Variants in CHN2 observed in about 807,000 individuals in gnomAD.
CHN2 encodes chimerin 2.
In CHN2, 35 loss-of-function variants were observed where a neutral mutation model predicts 56.3. That is an observed-to-expected ratio of 0.62 (90% confidence interval 0.47 to 0.82). CHN2 has a LOEUF of 0.82. Ranked by LOEUF, CHN2 falls within the 40% of genes least tolerant of loss-of-function variation. The probability of loss-of-function intolerance (pLI) is 0.00; values close to 1 mark genes in which losing one functional copy is unlikely to be tolerated. For synonymous variants in CHN2, 210 were observed against 212.8 expected (o/e 0.99, Z 0.12); for missense variants, 491 against 580.5 (o/e 0.85, Z 1.58).
At chr7:29,280,195 C>T (rs1791573495) in intron 1 of CHN2, among the ~76,000 whole-genome samples, 1 of 151,966 alleles carries the variant, frequency 6.6e-6, no homozygotes, top group Non-Finnish European at 1.5e-5. Flanking sequence ...ACCAGCCTGG[C>T]CAACATGGCG....
chr7:29,480,471 T>C, intron 7 of CHN2, 115 bp downstream of exon 7: 1 of 1,116,436 alleles, frequency 9.0e-7, no homozygotes, highest in Non-Finnish European at 1.3e-6. Flanking sequence ...ATTCCTTTGC[T>C]TTCCACATTT....
chr7:29,324,804 A>G (rs1288889979), intron 1 of CHN2, among the ~76,000 whole-genome samples: 1 of 152,214 alleles, frequency 6.6e-6, no homozygotes, highest in Non-Finnish European at 1.5e-5. Flanking sequence ...TCTTGTAAAT[A>G]TAGGGAAGTT....
At chr7:29,386,817 C>T (rs1191960121) in intron 3 of CHN2, among the ~76,000 whole-genome samples, 1 of 152,126 alleles carries the variant, frequency 6.6e-6, no homozygotes, top group Non-Finnish European at 1.5e-5. Flanking sequence ...CAAATTTTTC[C>T]GAAGTTCACA....
chr7:29,301,342 T>TAC (rs10570363), intron 1 of CHN2, among the ~76,000 whole-genome samples: 2,337 of 141,666 alleles, frequency 0.016, 43 homozygotes, highest in African/African-American at 0.036. Flanking sequence ...CTCAAACAGG[T>TAC]ACACACACAC....
chr7:29,360,588 G>C (rs1012145296), intron 2 of CHN2, among the ~76,000 whole-genome samples: 1 of 152,184 alleles, frequency 6.6e-6, no homozygotes, highest in African/African-American at 2.4e-5. Flanking sequence ...TGGAGGGTGG[G>C]GTTGAGCCAA....
At chr7:29,405,385 A>G (rs1802572299) in intron 6 of CHN2, among the ~76,000 whole-genome samples, 1 of 152,188 alleles carries the variant, frequency 6.6e-6, no homozygotes, top group Admixed American at 6.5e-5. Flanking sequence ...CAGGGCGCAC[A>G]TCATTAACTA....
At chr7:29,348,712 T>C (rs2128920580) in intron 1 of CHN2, among the ~76,000 whole-genome samples, 1 of 152,346 alleles carries the variant, frequency 6.6e-6, no homozygotes, top group South Asian at 2.1e-4. Context: ...TGGGTCTTTT[T>C]ATATCTACTT....
chr7:29,255,168 G>T (rs1420847436), intron 1 of CHN2, among the ~76,000 whole-genome samples: 1 of 152,238 alleles, frequency 6.6e-6, no homozygotes, highest in Non-Finnish European at 1.5e-5. Flanking sequence ...ATTTTCCCTG[G>T]ACATGCCCGG....
chr7:29,264,353 C>T (rs1220814414), intron 1 of CHN2, among the ~76,000 whole-genome samples: 1 of 152,078 alleles, frequency 6.6e-6, no homozygotes, highest in African/African-American at 2.4e-5. Flanking sequence ...ATGACAATGG[C>T]GGTTTTGTGG....
chr7:29,177,742 C>G (rs1265347237), intron 2 of CHN2, among the ~76,000 whole-genome samples: 1 of 152,028 alleles, frequency 6.6e-6, no homozygotes, highest in Admixed American at 6.6e-5. Context: ...ATACCCCAAC[C>G]CTCTTTACTT....
At chr7:29,494,699 T>C (rs1789046286) in intron 7 of CHN2, among the ~76,000 whole-genome samples, 1 of 152,176 alleles carries the variant, frequency 6.6e-6, no homozygotes, top group Admixed American at 6.5e-5. Flanking sequence ...TTCGCTTTAT[T>C]ACAGAGTTAT....
rs536956789 is a variant in CHN2 at position 29,287,289 on chromosome 7, G to A, written c.50-67336G>A. 3.3e-5 allele frequency among the ~76,000 whole-genome samples: 5 copies of A among 152,300 alleles called. No homozygotes were observed. In the East Asian group the frequency reaches 7.7e-4, roughly 24 times the overall value. On this transcript the variant is annotated intron_variant, in intron 1 of 12. Transcript: ENST00000222792. The stretch of plus-strand genomic sequence containing the variant: ...CCTTGCCCCCAGGAAGTGGGGATCT[G>A]AAAGAGGATGGCACTAACACAGAGA...
intron 1 of CHN2, among the ~76,000 whole-genome samples, chr7:29,215,477 T>C (rs1056823079): frequency 6.6e-6 from 1 of 152,182 alleles, no homozygotes; most frequent in African/African-American, 2.4e-5. Context: ...AGAACTGTAG[T>C]TGTAACTCCT....
At chr7:29,172,241 C>T (rs905032767) in intron 2 of CHN2, among the ~76,000 whole-genome samples, 53 of 152,272 alleles carry the variant, frequency 3.5e-4, no homozygotes, top group African/African-American at 1.2e-3. Context: ...CTCCAGCATC[C>T]GGCCCACTGA....
Position 29,215,944 on chromosome 7 carries a change from T to TA in CHN2, c.49+20955dup, listed in dbSNP as rs939087208. 1.0e-3 allele frequency among the ~76,000 whole-genome samples: 152 copies of TA among 152,286 alleles called. 1 individual carries two copies. Among genetic ancestry groups the TA allele is most frequent in the Middle Eastern group, 3.4e-3 (1 of 294 alleles). On this transcript the variant is annotated intron_variant, in intron 1 of 12. Coordinates refer to ENST00000222792, the MANE Select transcript of CHN2 (RefSeq NM_004067.4). The stretch of plus-strand genomic sequence containing the variant: ...CATTTAACATTTAAATATTAAATCT[T>TA]ATTATGTAAGCCAATTTCTTAAAAT...
intron 2 of CHN2, among the ~76,000 whole-genome samples, chr7:29,170,170 C>G (rs1796417974): frequency 6.6e-6 from 1 of 152,030 alleles, no homozygotes; most frequent in African/African-American, 2.4e-5. Flanking sequence ...TCCCTGAGCT[C>G]TTAAACATGG....
At position 29,194,928 on chromosome 7, in the gene CHN2, AG is replaced by A; in HGVS notation, c.-10del. ...CCGGGGCTGAGCGAGCAGCGACGCG[AG>A]GGGCGCGCGGAGATGGCAGCGTCCA... On this transcript the variant is annotated 5_prime_UTR_variant, in exon 1 of 13. Transcript: ENST00000222792. The A allele has an allele frequency of 6.4e-7, 1 of 1,559,714 alleles. No individual in the cohort carries two copies.
chr7:29,219,109 C>G (rs1390346814), intron 1 of CHN2, among the ~76,000 whole-genome samples: 1 of 152,148 alleles, frequency 6.6e-6, no homozygotes, highest in African/African-American at 2.4e-5. Context: ...TTTGAAACCG[C>G]AGTGGCCCAG....
intron 6 of CHN2, among the ~76,000 whole-genome samples, chr7:29,426,146 C>T (rs1350116227): frequency 7.2e-6 from 1 of 139,104 alleles, no homozygotes; most frequent in African/African-American, 2.6e-5. Context: ...GAGGTGGAGG[C>T]TGCAGTGAGC....
Sources: allele counts gnomAD v4.1 joint callset (sites outside exome capture counted in the v4.1 genomes callset), GRCh38; gene constraint gnomAD v4.1.1; transcripts MANE v1.5; gene names NCBI Gene and HGNC (gene_info 2026-07-23, HGNC 2026-07-21).